The following NIBAN3 variants were observed in gnomAD, a reference collection of about 807,000 sequenced individuals.
NIBAN3 encodes the protein protein Niban 3.
A neutral mutation model predicts 76.4 loss-of-function variants in NIBAN3; 66 were observed. The observed-to-expected ratio is 0.86, with a 90% CI of 0.71 to 1.06. The LOEUF is 1.06. Ranked by LOEUF, NIBAN3 falls within the 50% of genes least tolerant of loss-of-function variation. The probability of loss-of-function intolerance (pLI) is 0.00; values close to 1 mark genes in which losing one functional copy is unlikely to be tolerated. For missense variants in NIBAN3, 808 were observed against 810.7 expected, an observed-to-expected ratio of 1.00 and a Z score of 0.04; for synonymous variants, 360 against 355.2, an observed-to-expected ratio of 1.01 and a Z score of -0.15.
chr19:17,534,818 G>T (rs1404028823), intron 4 of NIBAN3, among the ~76,000 whole-genome samples: 1 of 149,268 alleles, frequency 6.7e-6, no homozygotes, highest in South Asian at 2.1e-4. Flanking sequence ...GAAAAGAAAA[G>T]AAATTAGAGA....
At chr19:17,540,851 A>C (rs1185185296) in intron 9 of NIBAN3, among the ~76,000 whole-genome samples, 1 of 152,152 alleles carries the variant, frequency 6.6e-6, no homozygotes, top group Non-Finnish European at 1.5e-5. Context: ...CTCTTACTTT[A>C]GCATCCCAAG....
Position 17,549,782 on chromosome 19 carries a change from G to A in NIBAN3, c.1750+255G>A, listed in dbSNP as rs2076123922. On this transcript the variant is annotated intron_variant, in intron 14 of 14. Coordinates refer to ENST00000599164, the MANE Select transcript of NIBAN3 (RefSeq NM_001321827.2). Reference sequence around the variant, plus strand: ...CATGTGAGCTCAGCCCTGGGGGGCTGAGATTGTGGTGAATTTGTGTCCCAT... The same window carrying A: ...CATGTGAGCTCAGCCCTGGGGGGCTAAGATTGTGGTGAATTTGTGTCCCAT... 11 of 559,432 alleles carry A rather than the reference G, an allele frequency of 2.0e-5. No homozygotes were observed. The South Asian group carries it at 2.7e-4, about 14-fold the overall frequency. The allele number at this position is 559,432 out of a possible 1,614,324, so 34.7% of individuals were successfully genotyped here. A position where few individuals can be genotyped will look rare whatever the true frequency, so the allele number is the denominator to read the frequency against.
intron 2 of NIBAN3, among the ~76,000 whole-genome samples, chr19:17,531,898 C>T (rs544935218): frequency 1.3e-5 from 2 of 152,342 alleles, no homozygotes; most frequent in Admixed American, 1.3e-4. Context: ...CTTTGGTAGA[C>T]AGGTCTTTGA....
chr19:17,523,619 T>C (rs1214581473), upstream of NIBAN3, among the ~76,000 whole-genome samples: 1 of 152,190 alleles, frequency 6.6e-6, no homozygotes, highest in Non-Finnish European at 1.5e-5. Flanking sequence ...CCTGGGGCTG[T>C]CACCATCTCC....
Position 17,539,592 on chromosome 19 carries a change from G to C in NIBAN3, c.817-11G>C. 2 of 1,536,854 alleles carry C rather than the reference G, an allele frequency of 1.3e-6. No homozygotes were observed. Among genetic ancestry groups the C allele is most frequent in the Non-Finnish European group, 1.8e-6 (2 of 1,135,474 alleles). On this transcript the variant is annotated splice_polypyrimidine_tract_variant and intron_variant, in intron 7 of 14. Transcript: ENST00000599164. ...GTCTCGGCTTTGTCCCCCCTCGACC[G>C]GTCTGGGCAGCTTCTAGACGCCGTT... is the stretch of plus-strand genomic sequence containing the variant.
rs2075962634 is a variant in NIBAN3, at chr19:17,542,069, T to C, written c.1171-67T>C. On this transcript the variant is annotated intron_variant, in intron 9 of 14. Transcript: ENST00000599164. The surrounding 1 kb of genome is among the most constrained non-coding windows in gnomAD (Gnocchi z 4.8). ...TGTTTCTCCTTTGGTGAATTGGTAATGGGGTCCCTGGCCCTTTGCAATCAG... is the reference window on the plus strand; with the variant it reads ...TGTTTCTCCTTTGGTGAATTGGTAACGGGGTCCCTGGCCCTTTGCAATCAG... 6.4e-7 allele frequency: 1 copy of C among 1,573,616 alleles called. No homozygotes were observed. Among genetic ancestry groups the C allele is most frequent in the Non-Finnish European group, 8.7e-7 (1 of 1,145,524 alleles).
chr19:17,546,720 T>C lies in NIBAN3; in HGVS notation c.1589T>C (p.Val530Ala). Reference protein sequence around the residue: ...LPEFEGDVLAVGSQALTTEGI... With the variant: ...LPEFEGDVLAAGSQALTTEGI... Reference sequence around the variant, plus strand: ...GAGTTCGAGGGGGATGTCCTTGCCGTGGGCAGCCAGGCTCTGACCACTGAG... The same window carrying C: ...GAGTTCGAGGGGGATGTCCTTGCCGCGGGCAGCCAGGCTCTGACCACTGAG... The change falls in exon 13 of 15, where the codon GTG (valine) becomes GCG (alanine). Residue 530 changes from valine (V) to alanine (A), a missense_variant. Physicochemically the swap from Val to Ala is moderately conservative, Grantham distance 64. Coordinates refer to ENST00000599164, the MANE Select transcript of NIBAN3 (RefSeq NM_001321827.2). 6.2e-7 allele frequency: 1 copy of C among 1,600,710 alleles called. No individual in the cohort carries two copies. The highest frequency in any genetic ancestry group is 8.5e-7 in the Non-Finnish European group (1 of 1,174,736).
rs756177085 is a variant in NIBAN3, at chr19:17,539,752, G to C, written c.966G>C (p.Ala322=). ...DQLLRQRARV[A]GRLRTDIRGP... ...TGCTGCGGCAGCGGGCGCGTGTGGC[G>C]GGGCGGCTGAGGAGTGAGGCCCTGG... The change falls in exon 8 of 15, where the codon GCG becomes GCC. Residue 322 remains alanine, a synonymous_variant. Transcript: ENST00000599164. 4.6e-5 allele frequency: 70 copies of C among 1,534,284 alleles called. No individual in the cohort carries two copies. The African/African-American group carries it at 6.0e-4, about 13-fold the overall frequency.
At chr19:17,547,415 A>T (rs1287208980) in intron 13 of NIBAN3, among the ~76,000 whole-genome samples, 15 of 102,606 alleles carry the variant, frequency 1.5e-4, no homozygotes, top group East Asian at 6.8e-4. Flanking sequence ...AGTGCAGTGG[A>T]ACGATCTTGG....
intron 4 of NIBAN3, among the ~76,000 whole-genome samples, chr19:17,535,167 G>A (rs2075803572): frequency 1.3e-5 from 2 of 152,194 alleles, no homozygotes; most frequent in Non-Finnish European, 2.9e-5. Context: ...AGCTGGCTGT[G>A]GCGGCATATG....
upstream of NIBAN3, among the ~76,000 whole-genome samples, chr19:17,523,711 C>T (rs527505529): frequency 6.6e-6 from 1 of 152,280 alleles, no homozygotes; most frequent in East Asian, 1.9e-4. Context: ...CTCCACGTGG[C>T]CCCTTTCACC....
At chr19:17,528,832 G>T (rs983600871) in intron 1 of NIBAN3, among the ~76,000 whole-genome samples, 3 of 151,980 alleles carry the variant, frequency 2.0e-5, no homozygotes, top group Non-Finnish European at 2.9e-5. Context: ...GCAGCAGCAT[G>T]GAAGAGTGTT....
chr19:17,523,362 C>T, upstream of NIBAN3: 1 of 1,402,788 alleles, frequency 7.1e-7, no homozygotes. Context: ...GAGAGTGGAG[C>T]CGAAACCACA....
At chr19:17,555,211 C>T (rs2076202107), downstream of NIBAN3, among the ~76,000 whole-genome samples, 1 of 152,150 alleles carries the variant, frequency 6.6e-6, no homozygotes, top group Admixed American at 6.5e-5. Flanking sequence ...ACGTCATGAC[C>T]TTTATTCTCC....
At position 17,539,766 on chromosome 19, in the gene NIBAN3, G is replaced by A; in HGVS notation, c.979+1G>A. The A allele has an allele frequency of 6.6e-7, 1 of 1,526,552 alleles. No individual in the cohort carries two copies. The highest frequency in any genetic ancestry group is 8.8e-7 in the Non-Finnish European group (1 of 1,138,106). The allele number at this position is 1,526,552 out of a possible 1,614,324, so 94.6% of individuals were successfully genotyped here. ...GCGCGTGTGGCGGGGCGGCTGAGGA[G>A]TGAGGCCCTGGGGCGGAGCCTGGGC... is the stretch of plus-strand genomic sequence containing the variant. On this transcript the variant is annotated splice_donor_variant, in intron 8 of 14. Coordinates refer to ENST00000599164, the MANE Select transcript of NIBAN3 (RefSeq NM_001321827.2). LOFTEE classifies it high-confidence loss of function.
rs762338480 is a variant in NIBAN3, at chr19:17,530,792, C to T, written c.93C>T (p.Cys31=). The T allele has an allele frequency of 7.0e-5, 113 of 1,612,952 alleles. 1 individual carries two copies. The highest frequency in any genetic ancestry group is 9.4e-5 in the Non-Finnish European group (111 of 1,179,380). ...CCCTGCTGAGGAACTTCCTGCCTTGCTACCGTGGGCAGCTGGCAGCGTCTG... is the reference window on the plus strand; with the variant it reads ...CCCTGCTGAGGAACTTCCTGCCTTGTTACCGTGGGCAGCTGGCAGCGTCTG... ...VDTLLRNFLP[C]YRGQLAASVL... The change falls in exon 2 of 15, where the codon TGC becomes TGT. Residue 31 remains cysteine (C), a synonymous_variant. Transcript: ENST00000599164.
chr19:17,544,933 T>A (rs2076021686), intron 12 of NIBAN3, among the ~76,000 whole-genome samples: 1 of 152,062 alleles, frequency 6.6e-6, no homozygotes, highest in Non-Finnish European at 1.5e-5. Context: ...ATAAGGAAAC[T>A]GAGGCCAGGC....
At chr19:17,532,666 C>T (rs1013287773) in intron 3 of NIBAN3, among the ~76,000 whole-genome samples, 8 of 152,330 alleles carry the variant, frequency 5.3e-5, no homozygotes, top group Non-Finnish European at 1.0e-4. Context: ...AGTCACACCT[C>T]TGGCCGCTCT....
intron 1 of NIBAN3, among the ~76,000 whole-genome samples, chr19:17,529,778 A>G (rs1408521730): frequency 6.6e-6 from 1 of 152,254 alleles, no homozygotes; most frequent in Non-Finnish European, 1.5e-5. Flanking sequence ...TACGTGAGCT[A>G]TAAGTGAAGG....
Sources: gnomAD v4.1 joint callset for allele counts (sites outside exome capture counted in the v4.1 genomes callset) on GRCh38, gnomAD v4.1.1 for gene constraint, Gnocchi (gnomAD v3.1) non-coding constraint, MANE v1.5 for transcripts, NCBI Gene and HGNC (gene_info 2026-07-23, HGNC 2026-07-21) for gene names.